CSMD1: variants seen among roughly 807,000 people sequenced by gnomAD.
CSMD1 encodes the protein CUB and sushi domain-containing protein 1.
Under a neutral mutation model 417.5 loss-of-function variants are expected in CSMD1, and 213 were observed. That is an observed-to-expected ratio of 0.51 (90% CI 0.46 to 0.57). CSMD1 has a LOEUF of 0.57. CSMD1 is among the 20% of genes least tolerant of loss of function. The pLI is 0.00. For missense variants in CSMD1, 6,923 were observed against 4,529.7 expected, an observed-to-expected ratio of 1.53 and a Z score of -15.17; for synonymous variants, 2,862 against 1,736.8, an observed-to-expected ratio of 1.65 and a Z score of -16.11.
chr8:2,936,347 A>G lies in CSMD1; in HGVS notation c.*2238T>C, dbSNP rs1437932892. 2.0e-5 allele frequency: 3 copies of G among 150,194 alleles called. No individual in the cohort carries two copies. The highest frequency in any genetic ancestry group is 4.4e-5 in the Non-Finnish European group (3 of 67,822). 9.3% of individuals were successfully genotyped at this position (150,194 alleles called of 1,614,324 possible). On this transcript the variant is annotated 3_prime_UTR_variant, in exon 70 of 70. Coordinates refer to ENST00000635120, the MANE Select transcript of CSMD1 (RefSeq NM_033225.6). The stretch of plus-strand genomic sequence containing the variant: ...AGTCAGCATTTTGCACCTAGTTTGA[A>G]TGACTCAAACTTAGATATGTACAAT...
At chr8:3,331,552 C>T (rs1204739870) in intron 23 of CSMD1, among the ~76,000 whole-genome samples, 1 of 152,126 alleles carries the variant, frequency 6.6e-6, no homozygotes, top group Non-Finnish European at 1.5e-5. Flanking sequence ...GGTTTCCTGT[C>T]TTTAAACTGA....
intron 2 of CSMD1, among the ~76,000 whole-genome samples, chr8:4,593,283 G>C (rs1020996926): frequency 6.6e-6 from 1 of 152,178 alleles, no homozygotes; most frequent in Non-Finnish European, 1.5e-5. Context: ...TTCCCCATTT[G>C]TTCCCTCTCC....
intron 2 of CSMD1, among the ~76,000 whole-genome samples, chr8:4,545,073 T>G (rs1432586777): frequency 6.6e-6 from 1 of 152,250 alleles, no homozygotes; most frequent in East Asian, 1.9e-4. Context: ...CACATATGTG[T>G]GTATGATGTA....
At chr8:4,578,584 A>C (rs1799252801) in intron 2 of CSMD1, among the ~76,000 whole-genome samples, 1 of 151,374 alleles carries the variant, frequency 6.6e-6, no homozygotes, top group African/African-American at 2.4e-5. Context: ...TGGGAGGCCA[A>C]GGTGGGCGGT....
chr8:4,293,154 G>A (rs1211889547), intron 3 of CSMD1, among the ~76,000 whole-genome samples: 1 of 152,114 alleles, frequency 6.6e-6, no homozygotes, highest in Non-Finnish European at 1.5e-5. Context: ...CCTGCCCTTT[G>A]TCCAGTATAC....
intron 3 of CSMD1, among the ~76,000 whole-genome samples, chr8:4,154,684 T>A (rs541814752): frequency 6.6e-6 from 1 of 152,330 alleles, no homozygotes; most frequent in South Asian, 2.1e-4. Flanking sequence ...CTGAGAATTC[T>A]CATTAAAAAC....
At chr8:4,855,345 A>G (rs1801736145) in intron 1 of CSMD1, among the ~76,000 whole-genome samples, 1 of 152,186 alleles carries the variant, frequency 6.6e-6, no homozygotes, top group Non-Finnish European at 1.5e-5. Context: ...GAAACTCCAA[A>G]AAGCAGAGCG....
rs374786232 is a variant in CSMD1, at chr8:3,696,640, A to C, written c.1009+11774T>G. 2.1e-4 allele frequency among the ~76,000 whole-genome samples: 32 copies of C among 152,320 alleles called. No homozygotes were observed. The South Asian group carries it at 6.4e-3, about 31-fold the overall frequency. The stretch of plus-strand genomic sequence containing the variant: ...AAGATTGAAACGTCATCATTATATA[A>C]CCCTGATGCACATTAAAGCTCATCC... On this transcript the variant is annotated intron_variant, in intron 7 of 69. Coordinates refer to ENST00000635120, the MANE Select transcript of CSMD1 (RefSeq NM_033225.6).
Position 3,219,392 on chromosome 8 carries a change from T to C in CSMD1, c.4535A>G (p.Asp1512Gly), listed in dbSNP as rs1798072066. ...ACTCCCAATGAGGGGGCTGTTGGAA[T>C]CTTCCCCTTCATAGATGTGTAGGAA... ...YDFLHIYEGEDSNSPLIGSYQ... is the reference protein window; with the variant it reads ...YDFLHIYEGEGSNSPLIGSYQ... The change falls in exon 29 of 70, where the codon GAT becomes GGT. Residue 1512 changes from aspartate to glycine, a missense_variant. By Grantham distance (94) the Asp-to-Gly change is moderately conservative. Coordinates refer to ENST00000635120, the MANE Select transcript of CSMD1 (RefSeq NM_033225.6). 1.9e-6 allele frequency: 3 copies of C among 1,564,200 alleles called. No homozygotes were observed. The highest frequency in any genetic ancestry group is 2.6e-6 in the Non-Finnish European group (3 of 1,154,386).
chr8:4,823,354 T>C (rs978970585), intron 1 of CSMD1, among the ~76,000 whole-genome samples: 1 of 152,044 alleles, frequency 6.6e-6, no homozygotes, highest in Non-Finnish European at 1.5e-5. Flanking sequence ...ACAATTACAA[T>C]TACACTCTAC....
At position 4,930,918 on chromosome 8, in the gene CSMD1, G is replaced by C. The variant is rs115264812; in HGVS notation, c.85+63414C>G. Among the ~76,000 whole-genome samples the C allele has an allele frequency of 5.2e-3, 794 of 152,262 alleles. 6 individuals carry two copies. The highest frequency in any genetic ancestry group is 0.019 in the African/African-American group (770 of 41,564). On this transcript the variant is annotated intron_variant, in intron 1 of 69. Coordinates refer to ENST00000635120, the MANE Select transcript of CSMD1 (RefSeq NM_033225.6). The stretch of plus-strand genomic sequence containing the variant: ...TTTCTGTATCCCACCATCTAACACA[G>C]TGGTTGACATTGTACAGAACTGGAA...
chr8:4,448,233 G>C (rs1240489856), intron 2 of CSMD1, among the ~76,000 whole-genome samples: 1 of 152,084 alleles, frequency 6.6e-6, no homozygotes, highest in Non-Finnish European at 1.5e-5. Context: ...CTTTATTCAG[G>C]TGAAGGAATC....
At chr8:3,576,459 A>T (rs1800156183) in intron 9 of CSMD1, among the ~76,000 whole-genome samples, 1 of 152,162 alleles carries the variant, frequency 6.6e-6, no homozygotes, top group Non-Finnish European at 1.5e-5. Context: ...ACCACGCTGC[A>T]GTCCTAGACA....
At chr8:4,880,263 A>C (rs1399835478) in intron 1 of CSMD1, among the ~76,000 whole-genome samples, 1 of 152,044 alleles carries the variant, frequency 6.6e-6, no homozygotes, top group African/African-American at 2.4e-5. Context: ...CAAAGGATGG[A>C]GAAAAAAAAT....
chr8:3,794,865 C>G (rs1035128915), intron 5 of CSMD1, among the ~76,000 whole-genome samples: 4 of 71,126 alleles, frequency 5.6e-5, no homozygotes, highest in Non-Finnish European at 1.3e-4. Flanking sequence ...GATCAATTTA[C>G]CAATGATCTC....
Position 4,214,528 on chromosome 8 carries a change from G to A in CSMD1, c.416-182429C>T, listed in dbSNP as rs189268537. 3.4e-3 allele frequency among the ~76,000 whole-genome samples: 524 copies of A among 152,272 alleles called. 1 individual carries two copies. The highest frequency in any genetic ancestry group is 6.8e-3 in the Middle Eastern group (2 of 294). The stretch of plus-strand genomic sequence containing the variant: ...GCCCAGGTTGGTCTCAAACCCCTGA[G>A]CTCATGCAGTCTGTCTGACTTGGCC... On this transcript the variant is annotated intron_variant, in intron 3 of 69. Coordinates refer to ENST00000635120, the MANE Select transcript of CSMD1 (RefSeq NM_033225.6).
intron 1 of CSMD1, among the ~76,000 whole-genome samples, chr8:4,863,571 G>A (rs1020846456): frequency 2.0e-5 from 3 of 151,774 alleles, no homozygotes; most frequent in Non-Finnish European, 4.4e-5. Flanking sequence ...CATTTTTTTA[G>A]CAACAATTTT....
chr8:3,769,258 C>T (rs1798448869), intron 5 of CSMD1, among the ~76,000 whole-genome samples: 1 of 152,078 alleles, frequency 6.6e-6, no homozygotes, highest in Admixed American at 6.6e-5. Context: ...CATGATTCTT[C>T]CATATATATC....
chr8:3,251,373 T>A (rs1254645439), intron 26 of CSMD1, among the ~76,000 whole-genome samples: 16 of 152,322 alleles, frequency 1.1e-4, no homozygotes, highest in African/African-American at 3.9e-4. Context: ...CAGATAGTTG[T>A]AGATATGTGG....
Sources: gnomAD v4.1 joint callset for allele counts (sites outside exome capture counted in the v4.1 genomes callset) on GRCh38, gnomAD v4.1.1 for gene constraint, MANE v1.5 for transcripts, NCBI Gene and HGNC (gene_info 2026-07-23, HGNC 2026-07-21) for gene names.